Variants in KCNT2 observed in about 807,000 individuals in gnomAD.
KCNT2 encodes potassium sodium-activated channel subfamily T member 2.
In KCNT2, 67 loss-of-function variants were observed where a neutral mutation model predicts 153.8. The ratio of observed to expected loss-of-function variants is 0.44; its 90% confidence interval spans 0.36 to 0.53. The LOEUF (loss-of-function observed/expected upper bound fraction) is 0.53, where lower values mean the gene tolerates loss of function less well. Ranked by LOEUF, KCNT2 falls within the 20% of genes least tolerant of loss-of-function variation. The probability of loss-of-function intolerance (pLI) is 0.00; values close to 1 mark genes in which losing one functional copy is unlikely to be tolerated. For missense variants in KCNT2, 975 were observed against 1,354.8 expected (o/e 0.72, Z 4.40); for synonymous variants, 500 against 458.8 (o/e 1.09, Z -1.15).
At chr1:196,340,609 T>G (rs1572097749) in intron 15 of KCNT2, 39 bp from the exon 16 acceptor site, 1 of 1,188,904 alleles carries the variant, frequency 8.4e-7, no homozygotes, top group East Asian at 2.4e-5. Flanking sequence ...AGAAAATTAG[T>G]AAATTATTGT....
At chr1:196,406,700 G>A (rs992661716) in intron 12 of KCNT2, among the ~76,000 whole-genome samples, 5 of 151,372 alleles carry the variant, frequency 3.3e-5, no homozygotes, top group African/African-American at 1.2e-4. Context: ...AGTTTCAGCA[G>A]AAGGGATTTA....
At chr1:196,570,380 G>GA in intron 1 of KCNT2, among the ~76,000 whole-genome samples, 1 of 151,974 alleles carries the variant, frequency 6.6e-6, no homozygotes, top group African/African-American at 2.4e-5. Context: ...AAAACAATTG[G>GA]AAAAAACTGT....
intron 19 of KCNT2, among the ~76,000 whole-genome samples, chr1:196,325,844 T>A (rs1663794802): frequency 6.6e-6 from 1 of 152,100 alleles, no homozygotes; most frequent in Non-Finnish European, 1.5e-5. Flanking sequence ...GTTGGTAAAG[T>A]GAGAATAAAC....
chr1:196,447,787 A>T (rs1251090451), intron 8 of KCNT2, among the ~76,000 whole-genome samples: 1 of 143,250 alleles, frequency 7.0e-6, no homozygotes, highest in Non-Finnish European at 1.6e-5. Context: ...AAGACAGAAG[A>T]ATTAACAACG....
At chr1:196,496,884 C>A (rs1031147467) in intron 1 of KCNT2, among the ~76,000 whole-genome samples, 1 of 152,216 alleles carries the variant, frequency 6.6e-6, no homozygotes, top group Admixed American at 6.5e-5. Context: ...AGAAAACCCA[C>A]GCAGACATGG....
chr1:196,473,089 C>T (rs1029535406), intron 5 of KCNT2, among the ~76,000 whole-genome samples: 4 of 152,216 alleles, frequency 2.6e-5, no homozygotes, highest in African/African-American at 7.2e-5. Context: ...CTGCTTAGAA[C>T]ATGCCTTAAG....
chr1:196,379,635 A>G lies in KCNT2; in HGVS notation c.1295-6387T>C, dbSNP rs559387705. 2.0e-5 allele frequency among the ~76,000 whole-genome samples: 3 copies of G among 151,800 alleles called. No individual in the cohort carries two copies. In the East Asian group the frequency reaches 5.8e-4, roughly 30 times the overall value. ...TATATATGGAGAGAGAGAAGAAAAT[A>G]CAAGATATATGTACATGCATCTTAT... is the stretch of plus-strand genomic sequence containing the variant. On this transcript the variant is annotated intron_variant, in intron 13 of 27. Coordinates refer to ENST00000294725, the MANE Select transcript of KCNT2 (RefSeq NM_198503.5).
chr1:196,505,615 G>C (rs1403951102), intron 1 of KCNT2, among the ~76,000 whole-genome samples: 1 of 152,154 alleles, frequency 6.6e-6, no homozygotes, highest in Non-Finnish European at 1.5e-5. Context: ...TTCCAATTCT[G>C]TGAAGAAAGT....
chr1:196,293,960 G>A (rs1415118340), intron 22 of KCNT2, among the ~76,000 whole-genome samples: 2 of 151,136 alleles, frequency 1.3e-5, no homozygotes, highest in African/African-American at 4.9e-5. Flanking sequence ...ACATTTGATA[G>A]GGGGCTCATA....
chr1:196,497,687 A>G (rs1447394081), intron 1 of KCNT2, among the ~76,000 whole-genome samples: 1 of 152,080 alleles, frequency 6.6e-6, no homozygotes, highest in African/African-American at 2.4e-5. Context: ...ATGGGTATTG[A>G]TTGTTATTAA....
rs921425066 is a variant in KCNT2 at position 196,280,853 on chromosome 1, T to G, written c.2910+7A>C. ...ATCAAAACAAGAATATTTTGTTATTTCCAAACCTCAGATGTAGTAAGTTTC... is the reference window on the plus strand; with the variant it reads ...ATCAAAACAAGAATATTTTGTTATTGCCAAACCTCAGATGTAGTAAGTTTC... On this transcript the variant is annotated splice_region_variant and intron_variant, in intron 25 of 27. Coordinates refer to ENST00000294725, the MANE Select transcript of KCNT2 (RefSeq NM_198503.5). The G allele has an allele frequency of 1.5e-5, 24 of 1,610,824 alleles. No homozygotes were observed. The highest frequency in any genetic ancestry group is 2.0e-5 in the Non-Finnish European group (23 of 1,177,482).
intron 1 of KCNT2, among the ~76,000 whole-genome samples, chr1:196,536,997 C>T (rs540385622): frequency 6.6e-6 from 1 of 152,344 alleles, no homozygotes; most frequent in African/African-American, 2.4e-5. Context: ...CAATAGCCTA[C>T]TGGTATTCCC....
intron 16 of KCNT2, among the ~76,000 whole-genome samples, chr1:196,336,028 T>C (rs1315018817): frequency 6.6e-6 from 1 of 152,130 alleles, no homozygotes; most frequent in African/African-American, 2.4e-5. Context: ...CTTGACAAAA[T>C]AGAACCCTGC....
chr1:196,569,763 T>C (rs1660541839), intron 1 of KCNT2, among the ~76,000 whole-genome samples: 1 of 152,138 alleles, frequency 6.6e-6, no homozygotes, highest in South Asian at 2.1e-4. Flanking sequence ...GCCCTCATAC[T>C]GCAAGTCCCT....
intron 1 of KCNT2, among the ~76,000 whole-genome samples, chr1:196,499,673 C>T (rs1572649629): frequency 6.6e-6 from 1 of 152,176 alleles, no homozygotes; most frequent in African/African-American, 2.4e-5. Context: ...CTTATTCCAA[C>T]TTAATCTACC....
intron 8 of KCNT2, among the ~76,000 whole-genome samples, chr1:196,457,057 AT>A (rs949512411): frequency 5.9e-5 from 9 of 151,954 alleles, no homozygotes; most frequent in African/African-American, 2.2e-4. Flanking sequence ...AAACAAAATA[AT>A]TTTTTACACC....
intron 1 of KCNT2, among the ~76,000 whole-genome samples, chr1:196,514,436 C>T (rs1044095887): frequency 6.6e-6 from 1 of 152,112 alleles, no homozygotes; most frequent in African/African-American, 2.4e-5. Flanking sequence ...AGTAGTCCAC[C>T]AAATGAATCA....
At chr1:196,438,380 C>A (rs1038781921) in intron 8 of KCNT2, among the ~76,000 whole-genome samples, 3 of 151,788 alleles carry the variant, frequency 2.0e-5, no homozygotes, top group Admixed American at 6.6e-5. Context: ...TTATTAGCAG[C>A]AGACACCATC....
At chr1:196,272,657 A>T (rs1658180303) in intron 25 of KCNT2, among the ~76,000 whole-genome samples, 2 of 151,898 alleles carry the variant, frequency 1.3e-5, no homozygotes, top group Non-Finnish European at 2.9e-5. Flanking sequence ...GAAGCGATTA[A>T]CGCCCCAAGG....
Sources: gnomAD v4.1 joint callset for allele counts (sites outside exome capture counted in the v4.1 genomes callset) on GRCh38, gnomAD v4.1.1 for gene constraint, MANE v1.5 for transcripts, NCBI Gene and HGNC (gene_info 2026-07-23, HGNC 2026-07-21) for gene names.